The following MCPH1 variants were observed in gnomAD, a reference collection of about 807,000 sequenced individuals.
MCPH1 encodes the protein microcephalin.
Under a neutral mutation model 84.5 loss-of-function variants are expected in MCPH1, and 104 were observed. That is an observed-to-expected ratio of 1.23 (90% CI 1.05 to 1.45). The LOEUF is 1.45. Among genes scored for constraint, MCPH1 ranks in the 40% most tolerant of loss-of-function variants. The pLI is 0.00. For missense variants in MCPH1, 1,498 were observed against 1,005.7 expected (o/e 1.49, Z -6.62); for synonymous variants, 514 against 366.8 (o/e 1.40, Z -4.58).
chr8:6,480,466 C>T (rs1465338159), intron 10 of MCPH1, among the ~76,000 whole-genome samples: 1 of 152,190 alleles, frequency 6.6e-6, no homozygotes, highest in East Asian at 1.9e-4. Flanking sequence ...AGCCCAGCCA[C>T]TGTGGGAAGC....
intron 11 of MCPH1, among the ~76,000 whole-genome samples, chr8:6,497,556 A>T (rs952698787): frequency 1.3e-5 from 2 of 152,156 alleles, no homozygotes; most frequent in African/African-American, 4.8e-5. Flanking sequence ...ACCACTGACC[A>T]GCACCAGTAC....
chr8:6,515,139 A>G (rs1279430032), intron 12 of MCPH1, among the ~76,000 whole-genome samples: 1 of 151,976 alleles, frequency 6.6e-6, no homozygotes, highest in African/African-American at 2.4e-5. Context: ...TTGGCCCCGA[A>G]CCCCACATCT....
intron 12 of MCPH1, among the ~76,000 whole-genome samples, chr8:6,555,290 T>C (rs1392234292): frequency 6.6e-6 from 1 of 152,196 alleles, no homozygotes; most frequent in Non-Finnish European, 1.5e-5. Context: ...CACATGGAAC[T>C]TCCCTGAGGC....
chr8:6,493,643 G>A (rs1383152469), intron 11 of MCPH1, among the ~76,000 whole-genome samples: 1 of 152,118 alleles, frequency 6.6e-6, no homozygotes, highest in Non-Finnish European at 1.5e-5. Context: ...TGCAGATCCT[G>A]GTTCAGTGGG....
At chr8:6,416,389 C>T (rs1799306488) in intron 3 of MCPH1, among the ~76,000 whole-genome samples, 1 of 152,102 alleles carries the variant, frequency 6.6e-6, no homozygotes, top group African/African-American at 2.4e-5. Flanking sequence ...TGTTGTTGCT[C>T]ATCTTTGGAG....
At position 6,647,111 on chromosome 8, in the gene MCPH1, G is replaced by C. The variant is rs1446926862; in HGVS notation, c.*4062G>C. ...AGAACTCATAACTCATTAATAAAAG[G>C]ATAAAGAAAAAGCTGAAGACAATTC... is the stretch of plus-strand genomic sequence containing the variant. On this transcript the variant is annotated 3_prime_UTR_variant, in exon 14 of 14. Transcript: ENST00000344683. The C allele has an allele frequency of 6.6e-6, 1 of 152,070 alleles. No individual in the cohort carries two copies. Among genetic ancestry groups the C allele is most frequent in the Non-Finnish European group, 1.5e-5 (1 of 68,008 alleles). 9.4% of individuals were successfully genotyped at this position (152,070 alleles called of 1,614,324 possible).
chr8:6,477,083 G>A (rs1550692), intron 9 of MCPH1, among the ~76,000 whole-genome samples: 150,274 of 152,268 alleles, frequency 0.99, 74,178 homozygotes, highest in East Asian at 1. Flanking sequence ...AATTCCAGTT[G>A]ATAGCAGATG....
At chr8:6,626,775 G>T in intron 13 of MCPH1, 2 of 985,226 alleles carry the variant, frequency 2.0e-6, no homozygotes, top group Non-Finnish European at 2.4e-6. Flanking sequence ...GCCCTGGCGC[G>T]GTCCTCAAGG....
At chr8:6,421,560 A>T (rs889998075) in intron 3 of MCPH1, among the ~76,000 whole-genome samples, 1 of 152,150 alleles carries the variant, frequency 6.6e-6, no homozygotes, top group African/African-American at 2.4e-5. Context: ...AAAAAATTCA[A>T]ATGTTTACTA....
At chr8:6,630,740 C>T (rs1797095153) in intron 13 of MCPH1, among the ~76,000 whole-genome samples, 1 of 144,964 alleles carries the variant, frequency 6.9e-6, no homozygotes, top group Non-Finnish European at 1.5e-5. Context: ...GAGACTGTGC[C>T]ATTGCACTCC....
rs186347515 is a variant in MCPH1 at position 6,527,502 on chromosome 8, A to G, written c.2214+27573A>G. On this transcript the variant is annotated intron_variant, in intron 12 of 13. Coordinates refer to ENST00000344683, the MANE Select transcript of MCPH1 (RefSeq NM_024596.5). ...AATTCATCATTTGAGACCGACTTTCATATCTGGAAAGTGTGCAGTCCTGAA... is the reference window on the plus strand; with the variant it reads ...AATTCATCATTTGAGACCGACTTTCGTATCTGGAAAGTGTGCAGTCCTGAA... 4.9e-3 allele frequency: 7,765 copies of G among 1,582,044 alleles called. 41 individuals carry two copies. The highest frequency in any genetic ancestry group is 5.9e-3 in the Non-Finnish European group (6,889 of 1,159,190).
chr8:6,490,383 T>A (rs1184833027), intron 11 of MCPH1, among the ~76,000 whole-genome samples: 2 of 152,204 alleles, frequency 1.3e-5, no homozygotes, highest in Non-Finnish European at 2.9e-5. Flanking sequence ...TAGATGTTCC[T>A]CAGGGACTTT....
intron 12 of MCPH1, among the ~76,000 whole-genome samples, chr8:6,532,070 G>A (rs1284334438): frequency 6.6e-6 from 1 of 152,184 alleles, no homozygotes; most frequent in Admixed American, 6.5e-5. Flanking sequence ...CAGTGGTTGG[G>A]ATGCGTGGCA....
At chr8:6,509,860 G>A (rs1187138411) in intron 12 of MCPH1, among the ~76,000 whole-genome samples, 1 of 152,174 alleles carries the variant, frequency 6.6e-6, no homozygotes, top group South Asian at 2.1e-4. Context: ...TGCACGCAGT[G>A]TCTGTTGTTC....
Position 6,648,412 on chromosome 8 carries a change from C to T in MCPH1, c.*5363C>T, listed in dbSNP as rs1316097975. The T allele has an allele frequency of 6.6e-6, 1 of 152,192 alleles. No individual in the cohort carries two copies. The highest frequency in any genetic ancestry group is 6.5e-5 in the Admixed American group (1 of 15,280). 9.4% of individuals were successfully genotyped at this position (152,192 alleles called of 1,614,324 possible). On this transcript the variant is annotated 3_prime_UTR_variant, in exon 14 of 14. Coordinates refer to ENST00000344683, the MANE Select transcript of MCPH1 (RefSeq NM_024596.5). ...ACAGAAAGTAATATGCAGATAACAG[C>T]CCAGGGGAATCTGGGCAGCACTGTG...
intron 4 of MCPH1, among the ~76,000 whole-genome samples, chr8:6,435,377 G>C (rs1049100337): frequency 2.6e-5 from 4 of 152,136 alleles, no homozygotes; most frequent in Non-Finnish European, 5.9e-5. Context: ...GGAGACAGGA[G>C]GAAACTCTCA....
At chr8:6,442,442 A>G (rs767621808) in intron 7 of MCPH1, among the ~76,000 whole-genome samples, 3 of 152,224 alleles carry the variant, frequency 2.0e-5, no homozygotes, top group Non-Finnish European at 4.4e-5. Flanking sequence ...ATCTGTATGC[A>G]GTTTAAACTA....
intron 9 of MCPH1, among the ~76,000 whole-genome samples, chr8:6,463,221 A>T (rs1486686791): frequency 6.6e-6 from 1 of 152,210 alleles, no homozygotes; most frequent in African/African-American, 2.4e-5. Context: ...CATCTCCCCC[A>T]GGAGGCAGAA....
intron 11 of MCPH1, among the ~76,000 whole-genome samples, chr8:6,482,412 C>G (rs1586034454): frequency 6.6e-6 from 1 of 152,156 alleles, no homozygotes. Context: ...GGACTGTGCC[C>G]CCTTTGGATA....
Sources: gnomAD v4.1 joint callset for allele counts (sites outside exome capture counted in the v4.1 genomes callset) on GRCh38, gnomAD v4.1.1 for gene constraint, MANE v1.5 for transcripts, NCBI Gene and HGNC (gene_info 2026-07-23, HGNC 2026-07-21) for gene names.